The following FOXP1 variants were observed in gnomAD, a reference collection of about 807,000 sequenced individuals.
FOXP1 encodes forkhead box protein P1.
Under a neutral mutation model 98.2 loss-of-function variants are expected in FOXP1, and 15 were observed. That is an observed-to-expected ratio of 0.15 (90% CI 0.10 to 0.24). The LOEUF is 0.24. Among genes scored for constraint, FOXP1 ranks in the 10% least tolerant of loss-of-function variants. The probability of loss-of-function intolerance (pLI) is 1.00; values close to 1 mark genes in which losing one functional copy is unlikely to be tolerated. For missense variants in FOXP1, 633 were observed against 848.5 expected (o/e 0.75, Z 3.15); for synonymous variants, 371 against 314.5 (o/e 1.18, Z -1.90).
In FOXP1 at chr3:70,959,309, T is replaced by G. The variant is rs1194734506; in HGVS notation, c.1972A>C (p.Ser658Arg). 1 of 1,614,114 alleles carries G rather than the reference T, an allele frequency of 6.2e-7. No homozygotes were observed. The stretch of plus-strand genomic sequence containing the variant: ...TCTCTGTCATGGTCAAAATCTGGAC[T>G]GTGGTTGGCTGTTGTCACTAAGGAC... ...PLSLVTTANH[S>R]PDFDHDRDYE... Residue 658 changes from serine to arginine, a missense_variant, in exon 21 of 21, where the codon AGT (serine) becomes CGT (arginine). Ser to Arg is a moderately radical substitution (Grantham distance 110, BLOSUM62 -1). Coordinates refer to ENST00000649528, the MANE Select transcript of FOXP1 (RefSeq NM_001349338.3).
chr3:71,102,329 T>C (rs1180113967), intron 7 of FOXP1, among the ~76,000 whole-genome samples: 4 of 152,172 alleles, frequency 2.6e-5, no homozygotes, highest in Non-Finnish European at 5.9e-5. Flanking sequence ...GAAAACAAAC[T>C]TAATAAAAGT....
At chr3:71,448,446 A>G (rs1420829269) in intron 3 of FOXP1, among the ~76,000 whole-genome samples, 1 of 152,170 alleles carries the variant, frequency 6.6e-6, no homozygotes, top group Non-Finnish European at 1.5e-5. Flanking sequence ...ATATCCCTGG[A>G]CAATTAATGG....
intron 3 of FOXP1, among the ~76,000 whole-genome samples, chr3:71,482,836 T>G (rs961296090): frequency 6.8e-6 from 1 of 146,128 alleles, no homozygotes; most frequent in African/African-American, 2.5e-5. Context: ...TTATGTCACT[T>G]TTTTTTTTTT....
At chr3:71,445,542 C>T (rs1277488623) in intron 3 of FOXP1, among the ~76,000 whole-genome samples, 5 of 152,044 alleles carry the variant, frequency 3.3e-5, no homozygotes, top group Non-Finnish European at 1.5e-5. Context: ...ATATAAAGGG[C>T]CTTTCTTTGT....
intron 4 of FOXP1, among the ~76,000 whole-genome samples, chr3:71,348,712 T>C (rs1408993550): frequency 6.6e-6 from 1 of 152,018 alleles, no homozygotes; most frequent in African/African-American, 2.4e-5. Flanking sequence ...ATGTTATTGA[T>C]ACTAGACAGA....
intron 13 of FOXP1, among the ~76,000 whole-genome samples, chr3:70,997,127 A>C (rs2041484732): frequency 6.6e-6 from 1 of 152,188 alleles, no homozygotes; most frequent in African/African-American, 2.4e-5. Context: ...ATCCCCTCTA[A>C]AGGAGGTGAT....
chr3:71,049,499 A>AAC (rs1299352240), intron 9 of FOXP1, among the ~76,000 whole-genome samples: 1 of 152,084 alleles, frequency 6.6e-6, no homozygotes, highest in East Asian at 1.9e-4. Flanking sequence ...GTCTTGGTCC[A>AAC]ACCCAATATG....
At chr3:70,963,679 A>T (rs2034094483) in intron 20 of FOXP1, among the ~76,000 whole-genome samples, 1 of 152,190 alleles carries the variant, frequency 6.6e-6, no homozygotes, top group Non-Finnish European at 1.5e-5. Context: ...TTTTAAAATA[A>T]AGCTGACTGG....
chr3:71,467,698 T>C (rs187430578), intron 3 of FOXP1, among the ~76,000 whole-genome samples: 2 of 152,326 alleles, frequency 1.3e-5, no homozygotes, highest in Admixed American at 1.3e-4. Flanking sequence ...CAAAACTTTA[T>C]ATTACTATGC....
At chr3:71,477,309 T>C (rs547673659) in intron 3 of FOXP1, among the ~76,000 whole-genome samples, 22 of 152,182 alleles carry the variant, frequency 1.4e-4, no homozygotes, top group Non-Finnish European at 2.8e-4. Context: ...TGCATTTCCA[T>C]AGAATTCTTT....
intron 6 of FOXP1, among the ~76,000 whole-genome samples, chr3:71,134,170 G>A (rs1477626790): frequency 6.6e-6 from 1 of 152,186 alleles, no homozygotes; most frequent in Non-Finnish European, 1.5e-5. Context: ...TGCTGTGTGG[G>A]ACTGTGGTCT....
chr3:71,130,814 T>C (rs2059528009), intron 6 of FOXP1: 4 of 1,433,046 alleles, frequency 2.8e-6, no homozygotes, highest in African/African-American at 1.4e-5. Flanking sequence ...CAGTTGGAGC[T>C]TGCAGGTAAT....
At chr3:71,540,666 G>A (rs1041867344) in intron 2 of FOXP1, among the ~76,000 whole-genome samples, 1 of 152,156 alleles carries the variant, frequency 6.6e-6, no homozygotes, top group East Asian at 1.9e-4. Flanking sequence ...CAGAGACCTG[G>A]AGATGTCAGG....
intron 9 of FOXP1, among the ~76,000 whole-genome samples, chr3:71,048,807 G>T (rs182409356): frequency 5.8e-4 from 88 of 150,752 alleles, no homozygotes; most frequent in African/African-American, 2.1e-3. Context: ...ACTATAATGG[G>T]GGGGGTACAG....
intron 5 of FOXP1, among the ~76,000 whole-genome samples, chr3:71,297,518 G>A (rs2073424721): frequency 6.8e-6 from 1 of 146,374 alleles, no homozygotes; most frequent in African/African-American, 2.5e-5. Flanking sequence ...AACAACAAAT[G>A]AAAACCCATC....
At chr3:71,378,433 T>C (rs1214589983) in intron 3 of FOXP1, among the ~76,000 whole-genome samples, 3 of 152,270 alleles carry the variant, frequency 2.0e-5, no homozygotes, top group African/African-American at 4.8e-5. Context: ...AAATTTTCAA[T>C]TGCCCACCAT....
chr3:71,328,399 C>G (rs2076053254), intron 4 of FOXP1, among the ~76,000 whole-genome samples: 1 of 152,216 alleles, frequency 6.6e-6, no homozygotes, highest in Non-Finnish European at 1.5e-5. Context: ...CATCTTTGGA[C>G]TAGAAAGTGG....
At chr3:71,530,842 T>A (rs186603624) in intron 2 of FOXP1, among the ~76,000 whole-genome samples, 1 of 152,264 alleles carries the variant, frequency 6.6e-6, no homozygotes, top group African/African-American at 2.4e-5. Context: ...ACAGCCTGTA[T>A]GGAGGGGTCA....
chr3:71,475,259 T>C (rs1424760497), intron 3 of FOXP1, among the ~76,000 whole-genome samples: 1 of 152,306 alleles, frequency 6.6e-6, no homozygotes, highest in Non-Finnish European at 1.5e-5. Flanking sequence ...AGCATTTTTA[T>C]TAAGCAGGCT....
Sources: allele counts gnomAD v4.1 joint callset (sites outside exome capture counted in the v4.1 genomes callset), GRCh38; gene constraint gnomAD v4.1.1; transcripts MANE v1.5; gene names NCBI Gene and HGNC (gene_info 2026-07-23, HGNC 2026-07-21).